STXBP5L: variants seen among roughly 807,000 people sequenced by gnomAD.
STXBP5L encodes syntaxin binding protein 5L.
In STXBP5L, 65 loss-of-function variants were observed where a neutral mutation model predicts 144.5. That is an observed-to-expected ratio of 0.45 (90% CI 0.37 to 0.55). The LOEUF is 0.55. Ranked by LOEUF, STXBP5L falls within the 20% of genes least tolerant of loss-of-function variation. STXBP5L has a pLI of 0.00. For missense variants in STXBP5L, 1,298 were observed against 1,405.5 expected (o/e 0.92, Z 1.22); for synonymous variants, 505 against 469.6 (o/e 1.08, Z -0.97).
At chr3:121,337,558 A>T (rs2044553728) in intron 20 of STXBP5L, among the ~76,000 whole-genome samples, 1 of 152,148 alleles carries the variant, frequency 6.6e-6, no homozygotes, top group Admixed American at 6.6e-5. Flanking sequence ...CCAGATTCAT[A>T]AAAAATTACT....
chr3:120,967,773 G>A (rs920757236), intron 3 of STXBP5L, among the ~76,000 whole-genome samples: 1 of 151,992 alleles, frequency 6.6e-6, no homozygotes, highest in Non-Finnish European at 1.5e-5. Context: ...TGCTTTTGCT[G>A]TATTTCATAG....
intron 5 of STXBP5L, among the ~76,000 whole-genome samples, chr3:121,096,402 C>A (rs375946529): frequency 2.4e-4 from 37 of 152,084 alleles, no homozygotes; most frequent in African/African-American, 8.9e-4. Flanking sequence ...CTGTTGCTGG[C>A]GAGACACTGT....
At chr3:121,250,331 A>G (rs1246257164) in intron 14 of STXBP5L, among the ~76,000 whole-genome samples, 5 of 152,016 alleles carry the variant, frequency 3.3e-5, no homozygotes, top group Admixed American at 1.3e-4. Context: ...TTATATTTTG[A>G]AACTTAACTG....
In STXBP5L at chr3:121,368,010, A is replaced by T. The variant is rs547330321; in HGVS notation, c.2177-10706A>T. Among the ~76,000 whole-genome samples, 5 of 151,534 alleles carry T rather than the reference A, an allele frequency of 3.3e-5. No individual in the cohort carries two copies. In the South Asian group the frequency reaches 6.3e-4, roughly 19 times the overall value. ...TTGAGCTTCTTGGTTGTTTATATTCATGTGTTTCATCAAATTTGAGAAGTT... is the reference window on the plus strand; with the variant it reads ...TTGAGCTTCTTGGTTGTTTATATTCTTGTGTTTCATCAAATTTGAGAAGTT... On this transcript the variant is annotated intron_variant, in intron 20 of 26. Transcript: ENST00000471454.
intron 16 of STXBP5L, 23 bp downstream of exon 16, chr3:121,255,135 T>G (rs1385869254): frequency 6.5e-7 from 1 of 1,534,914 alleles, no homozygotes; most frequent in Non-Finnish European, 8.8e-7. Flanking sequence ...AAATTTAACT[T>G]TCACTTTTAC....
At chr3:120,981,983 C>A (rs1026910808) in intron 3 of STXBP5L, among the ~76,000 whole-genome samples, 2 of 152,054 alleles carry the variant, frequency 1.3e-5, no homozygotes, top group African/African-American at 4.8e-5. Context: ...TTCTTAAATG[C>A]CAGTTTTAGT....
chr3:121,183,068 A>C (rs1248255624), intron 9 of STXBP5L, among the ~76,000 whole-genome samples: 1 of 152,182 alleles, frequency 6.6e-6, no homozygotes, highest in Non-Finnish European at 1.5e-5. Context: ...ATTGGTGGGG[A>C]AAAAGTACTT....
At chr3:121,188,078 A>G (rs1328005460) in intron 9 of STXBP5L, among the ~76,000 whole-genome samples, 1 of 152,106 alleles carries the variant, frequency 6.6e-6, no homozygotes, top group East Asian at 1.9e-4. Context: ...CTCCCACACA[A>G]TGTTAGTGGG....
chr3:121,324,232 G>T (rs1559976546), intron 20 of STXBP5L, among the ~76,000 whole-genome samples: 1 of 152,094 alleles, frequency 6.6e-6, no homozygotes, highest in African/African-American at 2.4e-5. Flanking sequence ...TTGGGTCAGA[G>T]CTTGGTCTTA....
chr3:121,396,137 T>A (rs1359743587), intron 22 of STXBP5L, among the ~76,000 whole-genome samples: 1 of 152,278 alleles, frequency 6.6e-6, no homozygotes, highest in Non-Finnish European at 1.5e-5. Flanking sequence ...TAGATGCTGT[T>A]CAGCTGCTGA....
intron 19 of STXBP5L, among the ~76,000 whole-genome samples, chr3:121,316,643 G>C (rs1369344185): frequency 6.6e-6 from 1 of 152,090 alleles, no homozygotes; most frequent in Non-Finnish European, 1.5e-5. Flanking sequence ...CGGAGGATTA[G>C]GTACAAAATA....
At chr3:121,018,336 G>A (rs1176575467) in intron 3 of STXBP5L, among the ~76,000 whole-genome samples, 1 of 152,046 alleles carries the variant, frequency 6.6e-6, no homozygotes, top group Non-Finnish European at 1.5e-5. Flanking sequence ...TAAAGCTACA[G>A]TAATTAAGAC....
intron 3 of STXBP5L, among the ~76,000 whole-genome samples, chr3:121,027,480 T>C (rs1946032170): frequency 6.6e-6 from 1 of 152,076 alleles, no homozygotes; most frequent in Non-Finnish European, 1.5e-5. Context: ...TGCACTTCTT[T>C]CTGGAGGCTG....
intron 12 of STXBP5L, among the ~76,000 whole-genome samples, chr3:121,234,057 A>G (rs1376226502): frequency 6.6e-6 from 1 of 152,160 alleles, no homozygotes; most frequent in African/African-American, 2.4e-5. Context: ...TGCTGCAGAC[A>G]ACACAGAAGA....
intron 23 of STXBP5L, among the ~76,000 whole-genome samples, chr3:121,408,231 A>G (rs2047038321): frequency 6.6e-6 from 1 of 151,980 alleles, no homozygotes; most frequent in Admixed American, 6.6e-5. Context: ...GTGAAATGAA[A>G]TAAAATTTAC....
chr3:121,167,652 C>A (rs2046548872), intron 9 of STXBP5L, among the ~76,000 whole-genome samples: 1 of 152,074 alleles, frequency 6.6e-6, no homozygotes, highest in Non-Finnish European at 1.5e-5. Context: ...GGCAGGGCAT[C>A]TCTGAAAAAA....
At chr3:120,972,922 A>C (rs1387512459) in intron 3 of STXBP5L, among the ~76,000 whole-genome samples, 1 of 151,930 alleles carries the variant, frequency 6.6e-6, no homozygotes, top group African/African-American at 2.4e-5. Context: ...AATAAAACTC[A>C]CTCTATTGTG....
Position 121,367,275 on chromosome 3 carries a change from A to T in STXBP5L, c.2177-11441A>T, listed in dbSNP as rs967538153. 2.0e-5 allele frequency among the ~76,000 whole-genome samples: 3 copies of T among 151,968 alleles called. No homozygotes were observed. The East Asian group carries it at 5.8e-4, about 29-fold the overall frequency. On this transcript the variant is annotated intron_variant, in intron 20 of 26. Transcript: ENST00000471454. ...TTGAGTTACTACCTAATATCCTTTT[A>T]TTTCACCCTGCAGGACTCCTTTGCA...
At chr3:121,382,545 TAATTC>T (rs1413952883) in intron 22 of STXBP5L, among the ~76,000 whole-genome samples, 1 of 152,130 alleles carries the variant, frequency 6.6e-6, no homozygotes, top group African/African-American at 2.4e-5. Context: ...TATTAATTAT[TAATTC>T]AATTCATTAT....
Sources: allele counts gnomAD v4.1 joint callset (sites outside exome capture counted in the v4.1 genomes callset), GRCh38; gene constraint gnomAD v4.1.1; transcripts MANE v1.5; gene names NCBI Gene and HGNC (gene_info 2026-07-23, HGNC 2026-07-21).